The following SV2C variants were observed in gnomAD, a reference collection of about 807,000 sequenced individuals.
The protein encoded by SV2C is solute carrier family 22 member B3.
SV2C carries 49 observed loss-of-function variants against 79.7 expected under a neutral mutation model. The observed-to-expected ratio is 0.61, with a 90% CI of 0.49 to 0.78. The LOEUF (loss-of-function observed/expected upper bound fraction) is 0.78, where lower values mean the gene tolerates loss of function less well. SV2C is among the 30% of genes least tolerant of loss of function. SV2C has a pLI of 0.00. For synonymous variants in SV2C, 334 were observed against 333.2 expected (o/e 1.00, Z -0.03); for missense variants, 833 against 912.9 (o/e 0.91, Z 1.13).
At chr5:75,904,679 G>A in the SV2C span, among the ~76,000 whole-genome samples, 2 of 151,952 alleles carry the variant, frequency 1.3e-5, no homozygotes, top group African/African-American at 4.8e-5. Flanking sequence ...ATAACTTCTG[G>A]GACTGGATCC....
intron 1 of SV2C, among the ~76,000 whole-genome samples, chr5:76,086,631 G>A (rs1747208796): frequency 1.0e-5 from 1 of 96,368 alleles, no homozygotes; most frequent in Non-Finnish European, 1.9e-5. Flanking sequence ...AGGAAAGGCA[G>A]CCCCTGGCAT....
In SV2C at chr5:76,328,148, T is replaced by G. The variant is rs1264551566; in HGVS notation, c.*2601T>G. ...GTGGCCTGTATAGCTTGCTCCAGAT[T>G]TAGCTGGAGATTAAGAAACAGCCAG... On this transcript the variant is annotated 3_prime_UTR_variant, in exon 13 of 13. Transcript: ENST00000502798. 6.6e-6 allele frequency: 1 copy of G among 152,148 alleles called. No individual in the cohort carries two copies. The highest frequency in any genetic ancestry group is 1.5e-5 in the Non-Finnish European group (1 of 68,036). 9.4% of individuals were successfully genotyped at this position (152,148 alleles called of 1,614,324 possible).
the SV2C span, among the ~76,000 whole-genome samples, chr5:76,027,722 T>A: frequency 6.6e-6 from 1 of 152,246 alleles, no homozygotes; most frequent in Non-Finnish European, 1.5e-5. Flanking sequence ...AGAAACAGTT[T>A]GATCCTTTCT....
chr5:75,903,231 T>A, the SV2C span, among the ~76,000 whole-genome samples: 7 of 152,134 alleles, frequency 4.6e-5, no homozygotes, highest in African/African-American at 1.7e-4. Flanking sequence ...AAAGTATCCT[T>A]AGAGATTATT....
At chr5:76,000,449 TAATGCTGGGCCTGCCTCAC>T in the SV2C span, among the ~76,000 whole-genome samples, 1 of 152,112 alleles carries the variant, frequency 6.6e-6, no homozygotes. Flanking sequence ...GCCTGCCTCA[TAATGCTGGGCCTGCCTCAC>T]ATCTGCTGAA....
At chr5:75,916,398 TTCCTCC>T in the SV2C span, among the ~76,000 whole-genome samples, 114 of 115,768 alleles carry the variant, frequency 9.8e-4, no homozygotes, top group African/African-American at 3.2e-3. Context: ...CCCCTTCCCC[TTCCTCC>T]TCCTCCTCCT....
At chr5:75,849,175 G>T in the SV2C span, among the ~76,000 whole-genome samples, 1 of 152,194 alleles carries the variant, frequency 6.6e-6, no homozygotes, top group African/African-American at 2.4e-5. Context: ...TGTTGAGTGA[G>T]TAAGTTGGGG....
At chr5:75,867,944 C>T in the SV2C span, among the ~76,000 whole-genome samples, 2 of 152,178 alleles carry the variant, frequency 1.3e-5, no homozygotes, top group South Asian at 4.1e-4. Context: ...ACAGTCCCTA[C>T]TCTCAAGGGG....
In SV2C at chr5:76,351,292, A is replaced by T. The variant is rs562950682; in HGVS notation, c.2001-1838A>T. Among the ~76,000 whole-genome samples the T allele has an allele frequency of 8.0e-4, 122 of 152,178 alleles. 1 individual carries two copies. The South Asian group carries it at 0.019, about 24-fold the overall frequency. ...GAGACCTTGTCTCTACAAAAACAAT[A>T]AAAAAATTAGCCAGGCACGGTGACG... is the stretch of plus-strand genomic sequence containing the variant. On this transcript the variant is annotated intron_variant, in intron 12 of 12. Coordinates refer to the SV2C transcript ENST00000322285.
the SV2C span, among the ~76,000 whole-genome samples, chr5:76,050,799 C>G: frequency 6.6e-6 from 1 of 152,120 alleles, no homozygotes; most frequent in South Asian, 2.1e-4. Context: ...TACCAAGAAA[C>G]AGAGTAAAGC....
intron 8 of SV2C, among the ~76,000 whole-genome samples, chr5:76,294,304 C>CTTTTTTT (rs70979391): frequency 7.7e-6 from 1 of 129,522 alleles, no homozygotes; most frequent in African/African-American, 2.9e-5. Flanking sequence ...TTCTCTCTCT[C>CTTTTTTT]TTTTTTTTTT....
At chr5:76,352,888 AAC>A (rs1017064458) in intron 12 of SV2C, among the ~76,000 whole-genome samples, 4 of 151,916 alleles carry the variant, frequency 2.6e-5, no homozygotes, top group African/African-American at 9.7e-5. Flanking sequence ...GTGTCATTTA[AAC>A]AGTCTTATAG....
intron 2 of SV2C, among the ~76,000 whole-genome samples, chr5:76,178,897 T>C (rs1171323208): frequency 6.6e-6 from 1 of 152,234 alleles, no homozygotes; most frequent in Non-Finnish European, 1.5e-5. Context: ...TGCATAGCTT[T>C]ATGTGAGGAG....
the SV2C span, among the ~76,000 whole-genome samples, chr5:76,006,494 C>T: frequency 1.3e-5 from 2 of 152,174 alleles, no homozygotes; most frequent in African/African-American, 4.8e-5. Context: ...TCTCTGATTA[C>T]AGCATTCCAC....
intron 4 of SV2C, among the ~76,000 whole-genome samples, chr5:76,269,475 C>T (rs181825093): frequency 9.3e-4 from 141 of 152,240 alleles, no homozygotes; most frequent in African/African-American, 3.3e-3. Context: ...CGTTGATGTA[C>T]GAAACAGGAT....
the SV2C span, among the ~76,000 whole-genome samples, chr5:76,048,000 T>C: frequency 6.6e-6 from 1 of 152,158 alleles, no homozygotes; most frequent in Non-Finnish European, 1.5e-5. Flanking sequence ...GGATATGAAG[T>C]GTTCTCACCA....
At chr5:76,290,382 C>T (rs143656245) in intron 6 of SV2C, among the ~76,000 whole-genome samples, 204 of 152,308 alleles carry the variant, frequency 1.3e-3, no homozygotes, top group African/African-American at 4.6e-3. Flanking sequence ...CTGTTCAAAC[C>T]TCTGGCAGGG....
chr5:76,198,643 A>C (rs1337378532), intron 3 of SV2C, among the ~76,000 whole-genome samples: 1 of 152,190 alleles, frequency 6.6e-6, no homozygotes, highest in Non-Finnish European at 1.5e-5. Context: ...TGACCATTGC[A>C]ATATTTTTCT....
At chr5:76,352,210 C>A (rs1378898513) in intron 12 of SV2C, among the ~76,000 whole-genome samples, 2 of 151,860 alleles carry the variant, frequency 1.3e-5, no homozygotes, top group African/African-American at 4.8e-5. Flanking sequence ...GAGACTCTGT[C>A]TTAAAACAAA....
Sources: gnomAD v4.1 joint callset for allele counts (sites outside exome capture counted in the v4.1 genomes callset) on GRCh38, gnomAD v4.1.1 for gene constraint, MANE v1.5 for transcripts, NCBI Gene and HGNC (gene_info 2026-07-23, HGNC 2026-07-21) for gene names.